PHACTR3: variants seen among roughly 807,000 people sequenced by gnomAD.
PHACTR3 encodes protein phosphatase 1, regulatory subunit 123.
A neutral mutation model predicts 66.8 loss-of-function variants in PHACTR3; 16 were observed. That is an observed-to-expected ratio of 0.24 (90% CI 0.16 to 0.36). PHACTR3 has a LOEUF of 0.36. PHACTR3 is among the 10% of genes least tolerant of loss of function. PHACTR3 has a pLI of 1.00. For missense variants in PHACTR3, 647 were observed against 719.9 expected (o/e 0.90, Z 1.16); for synonymous variants, 323 against 292.1 (o/e 1.11, Z -1.08).
intron 8 of PHACTR3, among the ~76,000 whole-genome samples, chr20:59,832,630 A>G (rs1173159190): frequency 6.6e-6 from 1 of 152,128 alleles, no homozygotes; most frequent in Non-Finnish European, 1.5e-5. Context: ...CATCTCACCC[A>G]GGTCTGCTTT....
intron 1 of PHACTR3, among the ~76,000 whole-genome samples, chr20:59,664,523 A>T (rs892829743): frequency 6.6e-6 from 1 of 152,098 alleles, no homozygotes; most frequent in African/African-American, 2.4e-5. Flanking sequence ...CCCCAGGATC[A>T]TGCTTGGCTT....
At position 59,754,321 on chromosome 20, in the gene PHACTR3, C is replaced by T. The variant is rs1887409; in HGVS notation, c.359-861C>T. On this transcript the variant is annotated intron_variant, in intron 3 of 12. Coordinates refer to ENST00000371015, the MANE Select transcript of PHACTR3 (RefSeq NM_080672.5). ...AAAGCACCAGGTCCTTCCTTATGCC[C>T]TGCTAGTGCCTCCTCTTCTGGGAAG... Among the ~76,000 whole-genome samples, 1,075 of 152,342 alleles carry T rather than the reference C, an allele frequency of 7.1e-3. 17 individuals are homozygous for T. The highest frequency in any genetic ancestry group is 0.025 in the African/African-American group (1,026 of 41,566).
At chr20:59,719,108 CG>C (rs1462532675) in intron 1 of PHACTR3, among the ~76,000 whole-genome samples, 3 of 152,202 alleles carry the variant, frequency 2.0e-5, no homozygotes, top group Non-Finnish European at 4.4e-5. Context: ...GCACCTCCCC[CG>C]GGGCTGTCGG....
At chr20:59,632,634 G>A (rs951757821) in intron 1 of PHACTR3, among the ~76,000 whole-genome samples, 1 of 152,136 alleles carries the variant, frequency 6.6e-6, no homozygotes, top group Non-Finnish European at 1.5e-5. Flanking sequence ...GCGCACCCCC[G>A]GGCTTCTCAG....
intron 1 of PHACTR3, among the ~76,000 whole-genome samples, chr20:59,673,162 A>T (rs2146512928): frequency 6.6e-6 from 1 of 152,246 alleles, no homozygotes; most frequent in East Asian, 1.9e-4. Flanking sequence ...ACCTCAATTT[A>T]TTTGGCATCT....
In PHACTR3 at chr20:59,697,370, A is replaced by G. The variant is rs555997279; in HGVS notation, c.119-45737A>G. On this transcript the variant is annotated intron_variant, in intron 1 of 12. Transcript: ENST00000371015. ...CAGATCTATATCATGACTTTACGGA[A>G]ATAGAAAAAGAAAAGGTATTTTTCA... is the stretch of plus-strand genomic sequence containing the variant. Among the ~76,000 whole-genome samples the G allele has an allele frequency of 5.3e-5, 8 of 152,338 alleles. No homozygotes were observed. In the South Asian group the frequency reaches 1.7e-3, roughly 32 times the overall value.
intron 1 of PHACTR3, among the ~76,000 whole-genome samples, chr20:59,656,696 C>G (rs747626777): frequency 6.6e-6 from 1 of 151,842 alleles, no homozygotes; most frequent in South Asian, 2.1e-4. Context: ...TTCTATATCT[C>G]TCATGCCTTT....
intron 3 of PHACTR3, among the ~76,000 whole-genome samples, chr20:59,754,403 C>T (rs1321855949): frequency 6.6e-6 from 1 of 152,184 alleles, no homozygotes; most frequent in Non-Finnish European, 1.5e-5. Context: ...CATGGGTGTG[C>T]CCCGTTCCTG....
At chr20:59,834,655 T>C (rs1208791869) in intron 8 of PHACTR3, among the ~76,000 whole-genome samples, 2 of 152,220 alleles carry the variant, frequency 1.3e-5, no homozygotes, top group Non-Finnish European at 2.9e-5. Flanking sequence ...AGAGACGCTA[T>C]GGTCTTCCCA....
At chr20:59,750,433 T>G (rs2039537141) in intron 3 of PHACTR3, among the ~76,000 whole-genome samples, 1 of 151,956 alleles carries the variant, frequency 6.6e-6, no homozygotes, top group East Asian at 1.9e-4. Flanking sequence ...GCAGGAAGGT[T>G]GAAAAGCCAA....
At chr20:59,686,052 C>A (rs55709546) in intron 1 of PHACTR3, among the ~76,000 whole-genome samples, 4,797 of 151,578 alleles carry the variant, frequency 0.032, 110 homozygotes, top group Middle Eastern at 0.065. Context: ...GGGTGGGCTA[C>A]CCCCCCCATA....
Position 59,604,559 on chromosome 20 carries a change from A to G in PHACTR3, c.-456A>G, listed in dbSNP as rs2146330634. On this transcript the variant is annotated 5_prime_UTR_variant, in exon 1 of 13. Transcript: ENST00000371015. ...GCTTTCAGATTAAAGCAATTGCAAG[A>G]GCAAAGATTCTTCCTTTTCCCTTTT... The G allele has an allele frequency of 1.2e-6, 1 of 827,612 alleles. No homozygotes were observed. The highest frequency in any genetic ancestry group is 1.4e-6 in the Non-Finnish European group (1 of 708,908). 51.3% of individuals were successfully genotyped at this position (827,612 alleles called of 1,614,324 possible).
At chr20:59,712,635 T>C (rs1490782714) in intron 1 of PHACTR3, among the ~76,000 whole-genome samples, 2 of 152,226 alleles carry the variant, frequency 1.3e-5, no homozygotes, top group South Asian at 2.1e-4. Context: ...CATCATAGCA[T>C]TGGCCAGATA....
chr20:59,595,234 G>A (rs1335507451), intron 1 of PHACTR3, among the ~76,000 whole-genome samples: 3 of 152,082 alleles, frequency 2.0e-5, no homozygotes, highest in Non-Finnish European at 2.9e-5. Flanking sequence ...AGGCCGAGAC[G>A]GGTGGATCAC....
At chr20:59,620,190 G>A (rs141098397) in intron 1 of PHACTR3, among the ~76,000 whole-genome samples, 4 of 152,092 alleles carry the variant, frequency 2.6e-5, no homozygotes, top group East Asian at 1.9e-4. Flanking sequence ...TAAACTTTTC[G>A]CTTTGAAATA....
At chr20:59,670,837 G>T (rs1465101176) in intron 1 of PHACTR3, among the ~76,000 whole-genome samples, 1 of 152,132 alleles carries the variant, frequency 6.6e-6, no homozygotes, top group South Asian at 2.1e-4. Context: ...TCTCCAGAAC[G>T]CCTCCCCAGT....
intron 1 of PHACTR3, among the ~76,000 whole-genome samples, chr20:59,588,533 G>A (rs1450062663): frequency 2.0e-5 from 3 of 152,174 alleles, no homozygotes; most frequent in African/African-American, 7.2e-5. Flanking sequence ...TGGGTTTCCT[G>A]TTTCTCCCAG....
At chr20:59,596,622 T>C (rs1366891548) in intron 1 of PHACTR3, among the ~76,000 whole-genome samples, 2 of 152,250 alleles carry the variant, frequency 1.3e-5, no homozygotes, top group East Asian at 3.8e-4. Flanking sequence ...AAAAACATTT[T>C]ATTGTCTGAT....
chr20:59,827,843 G>T (rs1464717467), intron 8 of PHACTR3, among the ~76,000 whole-genome samples: 1 of 152,166 alleles, frequency 6.6e-6, no homozygotes, highest in Non-Finnish European at 1.5e-5. Context: ...ACCAAGCTTG[G>T]CGGGGCTTCC....
Sources: allele counts gnomAD v4.1 joint callset (sites outside exome capture counted in the v4.1 genomes callset), GRCh38; gene constraint gnomAD v4.1.1; transcripts MANE v1.5; gene names NCBI Gene and HGNC (gene_info 2026-07-23, HGNC 2026-07-21).